Variants in MPPED1 observed in about 807,000 individuals in gnomAD.
The protein encoded by MPPED1 is metallophosphoesterase domain containing 1.
MPPED1 carries 16 observed loss-of-function variants against 36.2 expected under a neutral mutation model. That is an observed-to-expected ratio of 0.44 (90% CI 0.30 to 0.67). The LOEUF is 0.67. MPPED1 is among the 30% of genes least tolerant of loss of function. MPPED1 has a pLI of 0.10. For synonymous variants in MPPED1, 199 were observed against 191.3 expected, an observed-to-expected ratio of 1.04 and a Z score of -0.33; for missense variants, 307 against 453.4, an observed-to-expected ratio of 0.68 and a Z score of 2.93.
intron 3 of MPPED1, among the ~76,000 whole-genome samples, chr22:43,467,751 C>T (rs528484976): frequency 5.3e-5 from 8 of 152,262 alleles, no homozygotes; most frequent in African/African-American, 1.2e-4. Flanking sequence ...TGGGAATGGG[C>T]GGAAGAAGCC....
rs1013190404 is a variant in MPPED1 at position 43,435,204 on chromosome 22, A to G, written c.395A>G (p.Asn132Ser). Residue 132 changes from asparagine (N) to serine (S), a missense_variant, in exon 3 of 7, where the codon AAC becomes AGC. By Grantham distance (46) the Asn-to-Ser change is conservative (BLOSUM62 1). This residue lies in a region of MPPED1 where 169 missense variants were observed against 212.3 expected (regional missense o/e 0.80). Coordinates refer to ENST00000443721, the MANE Select transcript of MPPED1 (RefSeq NM_001044370.2). ...LGLPSEVKKF[N>S]EWLGSLPYEY... ...CTCCCGAGCGAGGTGAAGAAGTTCA[A>G]CGAGTGGCTGGGTAGGTCCCTCCTG... is the stretch of plus-strand genomic sequence containing the variant. The G allele has an allele frequency of 6.2e-7, 1 of 1,608,522 alleles. No individual in the cohort carries two copies. Among genetic ancestry groups the G allele is most frequent in the South Asian group, 1.1e-5 (1 of 91,072 alleles).
At chr22:43,491,572 TG>T (rs1323334286) in intron 4 of MPPED1, among the ~76,000 whole-genome samples, 1 of 149,664 alleles carries the variant, frequency 6.7e-6, no homozygotes, top group Non-Finnish European at 1.5e-5. Context: ...GTGATGGAGG[TG>T]GTGATGAAGA....
At chr22:43,420,272 G>A (rs969726500) in intron 1 of MPPED1, among the ~76,000 whole-genome samples, 2 of 152,222 alleles carry the variant, frequency 1.3e-5, no homozygotes, top group Non-Finnish European at 2.9e-5. Flanking sequence ...AGTGACCCAT[G>A]ACAACGAAAG....
intron 3 of MPPED1, among the ~76,000 whole-genome samples, chr22:43,442,316 C>A: frequency 6.6e-6 from 1 of 151,886 alleles, no homozygotes; most frequent in East Asian, 1.9e-4. Flanking sequence ...CAATGAACAG[C>A]ATGCACAAGC....
chr22:43,453,019 G>A (rs568134922), intron 3 of MPPED1, among the ~76,000 whole-genome samples: 2 of 148,704 alleles, frequency 1.3e-5, no homozygotes, highest in African/African-American at 5.0e-5. Flanking sequence ...GCTCAATCTC[G>A]GCTCACTGCA....
chr22:43,498,122 C>G (rs1932491018), intron 4 of MPPED1, 113 bp from the exon 5 acceptor site: 3 of 739,704 alleles, frequency 4.1e-6, no homozygotes. Context: ...CCCTGGGTCT[C>G]CAGGTAGCGA....
intron 3 of MPPED1, among the ~76,000 whole-genome samples, chr22:43,453,869 A>G (rs1256837580): frequency 6.6e-6 from 1 of 152,174 alleles, no homozygotes; most frequent in Non-Finnish European, 1.5e-5. Context: ...ACATTGTTGT[A>G]CAAACATCAC....
intron 2 of MPPED1, among the ~76,000 whole-genome samples, chr22:43,427,279 C>G (rs1337488479): frequency 6.6e-6 from 1 of 152,110 alleles, no homozygotes; most frequent in Non-Finnish European, 1.5e-5. Flanking sequence ...GAGGTGCTTC[C>G]CAGTTTCAAG....
chr22:43,483,206 C>G (rs931166949), intron 4 of MPPED1, among the ~76,000 whole-genome samples: 3 of 152,246 alleles, frequency 2.0e-5, no homozygotes, highest in African/African-American at 7.2e-5. Context: ...AGAGAAAAAA[C>G]GAGACAGGTT....
At chr22:43,449,837 A>T (rs1022153859) in intron 3 of MPPED1, among the ~76,000 whole-genome samples, 4 of 151,828 alleles carry the variant, frequency 2.6e-5, no homozygotes, top group African/African-American at 9.7e-5. Flanking sequence ...CCTTGGTGAG[A>T]CCCGAACAAG....
At chr22:43,444,435 C>T (rs1244850230) in intron 3 of MPPED1, among the ~76,000 whole-genome samples, 3 of 146,204 alleles carry the variant, frequency 2.1e-5, no homozygotes, top group African/African-American at 7.6e-5. Flanking sequence ...GGCGCGATCT[C>T]AGCTCACTGC....
chr22:43,492,359 G>A (rs147855710), intron 4 of MPPED1, among the ~76,000 whole-genome samples: 106,366 of 151,972 alleles, frequency 0.7, 38,858 homozygotes, highest in African/African-American at 0.93. Flanking sequence ...GGGGTGATAC[G>A]TATTTCTGCA....
intron 3 of MPPED1, among the ~76,000 whole-genome samples, chr22:43,468,742 T>A (rs1447173601): frequency 1.3e-5 from 2 of 152,094 alleles, no homozygotes; most frequent in Non-Finnish European, 2.9e-5. Context: ...TGGGGGCTCA[T>A]GTTTAATCAG....
At chr22:43,475,907 T>G (rs1461035458) in intron 4 of MPPED1, among the ~76,000 whole-genome samples, 1 of 131,420 alleles carries the variant, frequency 7.6e-6, no homozygotes, top group Non-Finnish European at 1.7e-5. Context: ...ATGCTGATGG[T>G]GATGATGGTG....
chr22:43,425,818 T>C (rs1011692098), intron 2 of MPPED1, among the ~76,000 whole-genome samples: 1 of 152,242 alleles, frequency 6.6e-6, no homozygotes, highest in Admixed American at 6.5e-5. Context: ...GGGATTCTGT[T>C]GTCTGCCCCT....
chr22:43,425,127 G>A lies in MPPED1; in HGVS notation c.142G>A (p.Asp48Asn), dbSNP rs1180404911. Residue 48 changes from aspartate (D) to asparagine (N), a missense_variant, in exon 2 of 7, where the codon GAC (aspartate) becomes AAC (asparagine). By Grantham distance (23) the Asp-to-Asn change is conservative (BLOSUM62 1). This residue lies in a region of MPPED1 where 169 missense variants were observed against 212.3 expected (regional missense o/e 0.80). Coordinates refer to ENST00000443721, the MANE Select transcript of MPPED1 (RefSeq NM_001044370.2). ...GCACAGCCGGCTCATCATCGAGGTG[G>A]ACGAGTACAGCTCCAACCCCACCCA... Reference protein sequence around the residue: ...HQHSRLIIEVDEYSSNPTQAF... With the variant: ...HQHSRLIIEVNEYSSNPTQAF... 1 of 1,613,884 alleles carries A rather than the reference G, an allele frequency of 6.2e-7. No individual in the cohort carries two copies. Among genetic ancestry groups the A allele is most frequent in the East Asian group, 2.2e-5 (1 of 44,878 alleles).
intron 1 of MPPED1, among the ~76,000 whole-genome samples, chr22:43,417,387 C>T (rs1056831049): frequency 4.7e-5 from 7 of 150,196 alleles, no homozygotes; most frequent in East Asian, 1.9e-4. Context: ...CATGGTGGGA[C>T]GAGGTCTGAT....
chr22:43,437,015 G>A lies in MPPED1; in HGVS notation c.406+1800G>A, dbSNP rs148453910. Reference sequence around the variant, plus strand: ...CAAAAGGTTCTTTCCCTCAGGCCTCGCCCCTTTGCTGCCTGGAAGTGTTTG... The same window carrying A: ...CAAAAGGTTCTTTCCCTCAGGCCTCACCCCTTTGCTGCCTGGAAGTGTTTG... On this transcript the variant is annotated intron_variant, in intron 3 of 6. Coordinates refer to ENST00000443721, the MANE Select transcript of MPPED1 (RefSeq NM_001044370.2). 1.4e-3 allele frequency among the ~76,000 whole-genome samples: 218 copies of A among 152,290 alleles called. 1 individual carries two copies. Among genetic ancestry groups the A allele is most frequent in the African/African-American group, 4.7e-3 (197 of 41,566 alleles).
At chr22:43,440,820 C>T (rs1364189178) in intron 3 of MPPED1, among the ~76,000 whole-genome samples, 2 of 152,166 alleles carry the variant, frequency 1.3e-5, no homozygotes, top group Non-Finnish European at 2.9e-5. Context: ...GGCCTCTCCT[C>T]CCCTCAGCTC....
Sources: allele counts gnomAD v4.1 joint callset (sites outside exome capture counted in the v4.1 genomes callset), GRCh38; gene constraint gnomAD v4.1.1; regional missense constraint gnomAD v4.1.1; transcripts MANE v1.5; gene names NCBI Gene and HGNC (gene_info 2026-07-23, HGNC 2026-07-21).